Variants in GET4 observed in about 807,000 individuals in gnomAD.
GET4 encodes the protein guided entry of tail-anchored proteins factor 4, also known as Golgi to ER traffic protein 4 homolog.
GET4 carries 20 observed loss-of-function variants against 40.0 expected under a neutral mutation model. The observed-to-expected ratio is 0.50, with a 90% CI of 0.35 to 0.73. The LOEUF (loss-of-function observed/expected upper bound fraction) is 0.73, where lower values mean the gene tolerates loss of function less well. GET4 is among the 30% of genes least tolerant of loss of function. GET4 has a pLI of 0.01. For synonymous variants in GET4, 280 were observed against 194.6 expected, an observed-to-expected ratio of 1.44 and a Z score of -3.65; for missense variants, 557 against 454.0, an observed-to-expected ratio of 1.23 and a Z score of -2.06.
intron 4 of GET4, among the ~76,000 whole-genome samples, chr7:888,822 A>G (rs972773145): frequency 2.6e-5 from 4 of 152,334 alleles, no homozygotes; most frequent in South Asian, 2.1e-4. Context: ...TGCATAGCGA[A>G]CTGCCACTCT....
chr7:877,018 C>T (rs1303211426), intron 1 of GET4, among the ~76,000 whole-genome samples: 1 of 151,788 alleles, frequency 6.6e-6, no homozygotes, highest in Non-Finnish European at 1.5e-5. Context: ...GCCTCTGACT[C>T]CCGCCTCGGC....
At chr7:883,970 A>G in intron 1 of GET4, 2 of 1,076,018 alleles carry the variant, frequency 1.9e-6, no homozygotes, top group Non-Finnish European at 2.3e-6. Flanking sequence ...TGCCCAGGGA[A>G]GAAGGGAGCC....
intron 1 of GET4, chr7:880,869 G>T (rs1029573615): frequency 6.6e-6 from 1 of 152,084 alleles, no homozygotes; most frequent in Non-Finnish European, 1.5e-5. Context: ...CCCAAGTTAC[G>T]CTTTTTGTTT....
Position 890,962 on chromosome 7 carries a change from G to A in GET4, c.501G>A (p.Leu167=), listed in dbSNP as rs1304069269. The stretch of plus-strand genomic sequence containing the variant: ...ATTGTGAGTCGAGGTATCATTTTCT[G>A]CACTCAGCGGACGGGGAGGGCTGTG... ...QNYCESRYHF[L]HSADGEGCAN... The change falls in exon 5 of 9, where the codon CTG becomes CTA. Residue 167 remains leucine (L), a synonymous_variant. Coordinates refer to ENST00000265857, the MANE Select transcript of GET4 (RefSeq NM_015949.3). 2 of 1,608,432 alleles carry A rather than the reference G, an allele frequency of 1.2e-6. No individual in the cohort carries two copies. The highest frequency in any genetic ancestry group is 8.5e-7 in the Non-Finnish European group (1 of 1,175,106).
intron 1 of GET4, among the ~76,000 whole-genome samples, chr7:877,379 C>T (rs1167955609): frequency 1.8e-5 from 2 of 109,968 alleles, no homozygotes; most frequent in Non-Finnish European, 3.8e-5. Context: ...TCGTCTCTTT[C>T]TTCCAGCCTC....
At chr7:892,473 A>C (rs1165191026) in intron 6 of GET4, 55 bp downstream of exon 6, 1 of 1,563,416 alleles carries the variant, frequency 6.4e-7, no homozygotes, top group Non-Finnish European at 8.7e-7. Flanking sequence ...GGTTGTGTGT[A>C]GACGTGGTGT....
intron 1 of GET4, chr7:878,202 C>G (rs1004355695): frequency 2.2e-6 from 1 of 465,042 alleles, no homozygotes; most frequent in East Asian, 7.0e-5. Context: ...GTTAACTGCA[C>G]GCCCCTCGGG....
At chr7:887,155 C>CGTCT (rs746318499) in intron 3 of GET4, 2 of 703,236 alleles carry the variant, frequency 2.8e-6, no homozygotes, top group East Asian at 2.9e-5. Context: ...TCGGCCAGGG[C>CGTCT]GTCCGTCCTT....
In GET4 at chr7:895,757, G is replaced by C. The variant is rs551487413; in HGVS notation, c.*335G>C. The C allele has an allele frequency of 2.2e-4, 41 of 183,012 alleles. No homozygotes were observed. Among genetic ancestry groups the C allele is most frequent in the African/African-American group, 9.4e-4 (40 of 42,686 alleles). The allele number at this position is 183,012 out of a possible 1,614,324, so 11.3% of individuals were successfully genotyped here. On this transcript the variant is annotated 3_prime_UTR_variant, in exon 9 of 9. Transcript: ENST00000265857. ...GGCTGATGGGCAGCACAGGAGGCCC[G>C]TCCTCGGGGGGCTGCGCACATCACG...
rs1216490296 is a variant in GET4 at position 896,313 on chromosome 7, C to CAGTT, written c.*892_*895dup. 6.6e-6 allele frequency: 1 copy of CAGTT among 151,976 alleles called. No homozygotes were observed. The allele number at this position is 151,976 out of a possible 1,614,324, so 9.4% of individuals were successfully genotyped here. On this transcript the variant is annotated 3_prime_UTR_variant, in exon 9 of 9. Transcript: ENST00000265857. Reference sequence around the variant, plus strand: ...GCTCTATTTTTTCACAGTTAAATGACAGTTGTAGATTGATACGCAGTTGTG... The same window carrying CAGTT: ...GCTCTATTTTTTCACAGTTAAATGACAGTTAGTTGTAGATTGATACGCAGTTGTG...
At chr7:879,619 A>G (rs1844042955) in intron 1 of GET4, among the ~76,000 whole-genome samples, 1 of 152,188 alleles carries the variant, frequency 6.6e-6, no homozygotes, top group African/African-American at 2.4e-5. Flanking sequence ...TAACCTCAAC[A>G]TAGTATAAAT....
At chr7:893,051 GGT>G (rs966827312) in intron 6 of GET4, among the ~76,000 whole-genome samples, 1 of 148,978 alleles carries the variant, frequency 6.7e-6, no homozygotes, top group Non-Finnish European at 1.5e-5. Flanking sequence ...GTGAGTGTTG[GGT>G]GTGGGCGTGG....
In GET4 at chr7:884,331, C is replaced by T. The variant is rs774417713; in HGVS notation, c.156-1725C>T. Reference sequence around the variant, plus strand: ...CTGAGTCAGTCATGTCCCTGCAGGACTGGAACTAGGACGGCCGGTCACAGA... The same window carrying T: ...CTGAGTCAGTCATGTCCCTGCAGGATTGGAACTAGGACGGCCGGTCACAGA... On this transcript the variant is annotated intron_variant, in intron 1 of 8. Transcript: ENST00000265857. 2.1e-5 allele frequency: 27 copies of T among 1,304,026 alleles called. No individual in the cohort carries two copies. The East Asian group carries it at 1.3e-3, about 64-fold the overall frequency. The allele number at this position is 1,304,026 out of a possible 1,614,324, so 80.8% of individuals were successfully genotyped here.
intron 1 of GET4, among the ~76,000 whole-genome samples, chr7:878,624 G>C (rs1466815853): frequency 1.3e-5 from 2 of 150,474 alleles, no homozygotes; most frequent in Non-Finnish European, 2.9e-5. Flanking sequence ...TCTGTCCCAG[G>C]CTGGAGTGCA....
chr7:878,948 C>G (rs1006319013), intron 1 of GET4, among the ~76,000 whole-genome samples: 1 of 145,284 alleles, frequency 6.9e-6, no homozygotes, highest in Admixed American at 7.2e-5. Context: ...CTGAATTCCC[C>G]CTTTGGACAG....
At position 891,062 on chromosome 7, in the gene GET4, C is replaced by T. The variant is rs1393134619; in HGVS notation, c.601C>T (p.Leu201=). ...GGACATGTTCGTGGCCCAGGCCGTGCTACAGTAGGTGTCTGTGGCTCTTCG... is the reference window on the plus strand; with the variant it reads ...GGACATGTTCGTGGCCCAGGCCGTGTTACAGTAGGTGTCTGTGGCTCTTCG... ...EVDMFVAQAV[L]QFLCLKNKSS... is the part of the protein sequence containing the mutation. The change falls in exon 5 of 9, where the codon CTA becomes TTA. Residue 201 remains leucine (L), a synonymous_variant. Transcript: ENST00000265857. 1.3e-6 allele frequency: 2 copies of T among 1,598,278 alleles called. No individual in the cohort carries two copies. The highest frequency in any genetic ancestry group is 1.7e-6 in the Non-Finnish European group (2 of 1,169,400).
chr7:878,983 C>A (rs1233382310), intron 1 of GET4, among the ~76,000 whole-genome samples: 1 of 152,142 alleles, frequency 6.6e-6, no homozygotes, highest in Non-Finnish European at 1.5e-5. Flanking sequence ...GACACCCCCC[C>A]CCGAGTAGAG....
At position 895,415 on chromosome 7, in the gene GET4, T is replaced by A; in HGVS notation, c.977T>A (p.Leu326Gln). ...CCCAGCGACGGCAGCCCCATCGAGC[T>A]GGACTGAACTGGCCAGGCCACGTGG... ...ESPSDGSPIE[L>Q]D is the part of the protein sequence containing the mutation. The change falls in exon 9 of 9, where the codon CTG becomes CAG. Residue 326 changes from leucine to glutamine, a missense_variant. Leu to Gln is a moderately radical substitution (Grantham distance 113). Transcript: ENST00000265857. The A allele has an allele frequency of 6.4e-7, 1 of 1,553,754 alleles. No homozygotes were observed. Among genetic ancestry groups the A allele is most frequent in the Non-Finnish European group, 8.9e-7 (1 of 1,127,356 alleles).
Position 894,636 on chromosome 7 carries a change from T to C in GET4, c.895+665T>C, listed in dbSNP as rs796920285. Among the ~76,000 whole-genome samples, 72 of 152,294 alleles carry C rather than the reference T, an allele frequency of 4.7e-4. 2 individuals carry two copies. Among genetic ancestry groups the C allele is most frequent in the African/African-American group, 1.7e-3 (70 of 41,564 alleles). Reference sequence around the variant, plus strand: ...CCCGTCAGGAGCGCCCTGACTCTTCTGACTCTCCAGTCGAAACCGCAGCCT... The same window carrying C: ...CCCGTCAGGAGCGCCCTGACTCTTCCGACTCTCCAGTCGAAACCGCAGCCT... On this transcript the variant is annotated intron_variant, in intron 8 of 8. Transcript: ENST00000265857.
Sources: allele counts gnomAD v4.1 joint callset (sites outside exome capture counted in the v4.1 genomes callset), GRCh38; gene constraint gnomAD v4.1.1; transcripts MANE v1.5; gene names NCBI Gene and HGNC (gene_info 2026-07-23, HGNC 2026-07-21).